CLSTN2: variants seen among roughly 807,000 people sequenced by gnomAD.
CLSTN2 encodes the protein calsyntenin 2, also known as calsyntenin-2.
Under a neutral mutation model 101.2 loss-of-function variants are expected in CLSTN2, and 48 were observed. The observed-to-expected ratio is 0.47, with a 90% CI of 0.38 to 0.60. CLSTN2 has a LOEUF of 0.60. Ranked by LOEUF, CLSTN2 falls within the 20% of genes least tolerant of loss-of-function variation. The pLI is 0.00. For synonymous variants in CLSTN2, 481 were observed against 463.6 expected (o/e 1.04, Z -0.48); for missense variants, 1,160 against 1,238.2 (o/e 0.94, Z 0.95).
intron 1 of CLSTN2, among the ~76,000 whole-genome samples, chr3:140,107,071 T>A (rs2009071416): frequency 6.6e-6 from 1 of 152,138 alleles, no homozygotes; most frequent in Non-Finnish European, 1.5e-5. Flanking sequence ...TATGAATCCT[T>A]TGGTGAATGC....
chr3:140,443,738 T>A (rs1311140430), intron 5 of CLSTN2, among the ~76,000 whole-genome samples: 1 of 152,234 alleles, frequency 6.6e-6, no homozygotes, highest in East Asian at 1.9e-4. Flanking sequence ...ATTGGTGGGA[T>A]ATTCCCATAC....
chr3:139,950,017 T>A (rs751857706), intron 1 of CLSTN2, among the ~76,000 whole-genome samples: 2 of 152,232 alleles, frequency 1.3e-5, no homozygotes, highest in Admixed American at 6.5e-5. Flanking sequence ...CTGAATGTGA[T>A]GAGGCCTGTG....
chr3:140,514,284 A>G (rs952140572), intron 8 of CLSTN2, among the ~76,000 whole-genome samples: 1 of 152,010 alleles, frequency 6.6e-6, no homozygotes, highest in African/African-American at 2.4e-5. Flanking sequence ...TTTATCCCTC[A>G]CACCCCAAAG....
At chr3:140,395,154 A>G (rs1374632820) in intron 2 of CLSTN2, among the ~76,000 whole-genome samples, 1 of 152,234 alleles carries the variant, frequency 6.6e-6, no homozygotes, top group East Asian at 1.9e-4. Flanking sequence ...ATCTTGGCAC[A>G]AAGCTTTAGA....
chr3:139,954,242 C>T (rs1935347847), intron 1 of CLSTN2, among the ~76,000 whole-genome samples: 1 of 152,170 alleles, frequency 6.6e-6, no homozygotes. Context: ...GCTATCAATT[C>T]TGGGATTCCT....
intron 1 of CLSTN2, among the ~76,000 whole-genome samples, chr3:139,970,010 C>A (rs530462696): frequency 3.0e-4 from 45 of 152,248 alleles, no homozygotes; most frequent in Admixed American, 1.5e-3. Flanking sequence ...TCACCCTGTT[C>A]CCCTACTTAC....
chr3:139,939,805 A>G (rs1935094930), intron 1 of CLSTN2, among the ~76,000 whole-genome samples: 1 of 152,332 alleles, frequency 6.6e-6, no homozygotes, highest in African/African-American at 2.4e-5. Context: ...GTGGTATAAC[A>G]GAGTCATTTT....
chr3:140,412,779 C>A (rs887444734), intron 4 of CLSTN2, among the ~76,000 whole-genome samples: 1 of 151,998 alleles, frequency 6.6e-6, no homozygotes, highest in Non-Finnish European at 1.5e-5. Context: ...AATTAAATAA[C>A]GTGGTTCTGA....
Position 140,566,427 on chromosome 3 carries a change from G to A in CLSTN2, c.*174G>A. ...GGCACTCCCTGTGTTTCATCCATGG[G>A]GAAGTTCCAAGAAGCCCAGCATGGC... On this transcript the variant is annotated 3_prime_UTR_variant, in exon 17 of 17. Coordinates refer to ENST00000458420, the MANE Select transcript of CLSTN2 (RefSeq NM_022131.3). 3.0e-6 allele frequency: 2 copies of A among 656,000 alleles called. No individual in the cohort carries two copies. Among genetic ancestry groups the A allele is most frequent in the Non-Finnish European group, 5.3e-6 (2 of 379,588 alleles). 40.6% of individuals were successfully genotyped at this position (656,000 alleles called of 1,614,324 possible). A position where few individuals can be genotyped will look rare whatever the true frequency, so the allele number is the denominator to read the frequency against.
chr3:140,290,353 T>G (rs1304768562), intron 2 of CLSTN2, among the ~76,000 whole-genome samples: 1 of 152,186 alleles, frequency 6.6e-6, no homozygotes, highest in Non-Finnish European at 1.5e-5. Context: ...TCCAGGGATC[T>G]TCCCATCCTC....
At chr3:140,349,237 G>C (rs1198268757) in intron 2 of CLSTN2, among the ~76,000 whole-genome samples, 7 of 152,200 alleles carry the variant, frequency 4.6e-5, no homozygotes, top group Non-Finnish European at 1.0e-4. Context: ...ATGCAGAACT[G>C]TGAGTCAATG....
At chr3:140,457,970 G>C (rs1206277456) in intron 6 of CLSTN2, among the ~76,000 whole-genome samples, 1 of 152,160 alleles carries the variant, frequency 6.6e-6, no homozygotes. Context: ...ATGGTGAGAA[G>C]CAGAGCATCT....
chr3:139,949,623 G>T (rs1467417900), intron 1 of CLSTN2, among the ~76,000 whole-genome samples: 1 of 152,184 alleles, frequency 6.6e-6, no homozygotes, highest in African/African-American at 2.4e-5. Flanking sequence ...TCCAGAGTGT[G>T]CACCCTTCCT....
intron 2 of CLSTN2, among the ~76,000 whole-genome samples, chr3:140,216,258 C>T (rs1214782861): frequency 6.6e-6 from 1 of 152,110 alleles, no homozygotes; most frequent in Non-Finnish European, 1.5e-5. Context: ...GAAACCGGTC[C>T]CTAGTGCCCA....
chr3:140,233,672 C>A (rs2086390929), intron 2 of CLSTN2, among the ~76,000 whole-genome samples: 1 of 152,238 alleles, frequency 6.6e-6, no homozygotes, highest in Non-Finnish European at 1.5e-5. Flanking sequence ...CTTCTTGACT[C>A]TGTTAAAGCT....
At chr3:140,134,663 C>T (rs1198851212) in intron 1 of CLSTN2, among the ~76,000 whole-genome samples, 5 of 152,096 alleles carry the variant, frequency 3.3e-5, no homozygotes, top group African/African-American at 1.2e-4. Context: ...TTCTGAGTGT[C>T]CAATTTACAG....
intron 2 of CLSTN2, among the ~76,000 whole-genome samples, chr3:140,189,772 A>G (rs1266620205): frequency 6.6e-6 from 1 of 152,098 alleles, no homozygotes; most frequent in East Asian, 1.9e-4. Flanking sequence ...TTGCCTATGG[A>G]TATCTAATTC....
At chr3:139,988,384 C>T (rs998984285) in intron 1 of CLSTN2, among the ~76,000 whole-genome samples, 3 of 152,168 alleles carry the variant, frequency 2.0e-5, no homozygotes, top group African/African-American at 7.2e-5. Context: ...CAGCACAACA[C>T]CAACATAATG....
intron 9 of CLSTN2, among the ~76,000 whole-genome samples, chr3:140,544,178 CCCA>C (rs1471735010): frequency 6.6e-6 from 1 of 152,202 alleles, no homozygotes. Flanking sequence ...TTGCAAGATG[CCCA>C]GTGTTGTTGA....
Sources: allele counts gnomAD v4.1 joint callset (sites outside exome capture counted in the v4.1 genomes callset), GRCh38; gene constraint gnomAD v4.1.1; transcripts MANE v1.5; gene names NCBI Gene and HGNC (gene_info 2026-07-23, HGNC 2026-07-21).